Variants in SEC23A observed in about 807,000 individuals in gnomAD.
SEC23A encodes the protein SEC23 homolog A, COPII component.
A neutral mutation model predicts 103.7 loss-of-function variants in SEC23A; 56 were observed. The ratio of observed to expected loss-of-function variants is 0.54; its 90% CI spans 0.44 to 0.67. The LOEUF is 0.67. Ranked by LOEUF, SEC23A falls within the 30% of genes least tolerant of loss-of-function variation. The probability of loss-of-function intolerance (pLI) is 0.00; values close to 1 mark genes in which losing one functional copy is unlikely to be tolerated. For synonymous variants in SEC23A, 281 were observed against 293.0 expected (o/e 0.96, Z 0.42); for missense variants, 784 against 936.4 (o/e 0.84, Z 2.12).
intron 9 of SEC23A, among the ~76,000 whole-genome samples, chr14:39,070,801 T>C (rs1198906999): frequency 1.3e-5 from 2 of 152,078 alleles, no homozygotes; most frequent in Non-Finnish European, 2.9e-5. Flanking sequence ...CCATGGCAGG[T>C]GGATCACCTG....
rs1723970272 is a variant in SEC23A, at chr14:39,061,790, T to C, written c.1480A>G (p.Ile494Val). 1.2e-6 allele frequency: 2 copies of C among 1,613,168 alleles called. No individual in the cohort carries two copies. The highest frequency in any genetic ancestry group is 1.7e-6 in the Non-Finnish European group (2 of 1,179,104). Residue 494 changes from isoleucine (I) to valine (V), a missense_variant, in exon 13 of 20, where the codon ATC (isoleucine) becomes GTC (valine). This residue lies in a region of SEC23A where 683 missense variants were observed against 774.2 expected (regional missense o/e 0.88). Coordinates refer to ENST00000307712, the MANE Select transcript of SEC23A (RefSeq NM_006364.4). ...TTCCTAGCAATGGTGGTCACTCGGA[T>C]GCGTCTCTGCCCACTTGAATGCTGA... Reference protein sequence around the residue: ...QYQHSSGQRRIRVTTIARNWA... With the variant: ...QYQHSSGQRRVRVTTIARNWA...
intron 9 of SEC23A, among the ~76,000 whole-genome samples, chr14:39,068,666 G>A (rs930067066): frequency 6.6e-6 from 1 of 151,786 alleles, no homozygotes; most frequent in African/African-American, 2.4e-5. Flanking sequence ...CACAAAGAGA[G>A]GAAAGATGTA....
intron 6 of SEC23A, among the ~76,000 whole-genome samples, chr14:39,086,521 C>A (rs1887450473): frequency 6.6e-6 from 1 of 152,052 alleles, no homozygotes; most frequent in South Asian, 2.1e-4. Flanking sequence ...ACTTGGGAGG[C>A]TGAGGCAGGA....
chr14:39,071,441 T>C (rs1886836705), intron 9 of SEC23A, among the ~76,000 whole-genome samples: 2 of 152,034 alleles, frequency 1.3e-5, no homozygotes, highest in South Asian at 2.1e-4. Context: ...TCCAGATACC[T>C]GGAAGGCTGA....
intron 7 of SEC23A, among the ~76,000 whole-genome samples, chr14:39,080,127 A>G (rs942323866): frequency 6.6e-6 from 1 of 152,084 alleles, no homozygotes; most frequent in South Asian, 2.1e-4. Flanking sequence ...ATTTCCTACA[A>G]CTGGAGGGAA....
Position 39,095,147 on chromosome 14 carries a change from T to C in SEC23A, c.221+751A>G, listed in dbSNP as rs372779245. 361 of 588,708 alleles carry C rather than the reference T, an allele frequency of 6.1e-4. 1 individual carries two copies. The East Asian group carries it at 9.2e-3, about 15-fold the overall frequency. 36.5% of individuals were successfully genotyped at this position (588,708 alleles called of 1,614,324 possible). ...ATAAGAGGCTGTAAGAGACAGAATC[T>C]ATAATGTTCTAGAGGTAGATCACCC... On this transcript the variant is annotated intron_variant, in intron 2 of 19. Coordinates refer to ENST00000307712, the MANE Select transcript of SEC23A (RefSeq NM_006364.4).
intron 15 of SEC23A, chr14:39,047,511 A>AAC: frequency 5.0e-5 from 16 of 321,266 alleles, no homozygotes; most frequent in Non-Finnish European, 6.1e-5. Flanking sequence ...CAACAACAAC[A>AAC]AAAAAAAAAA....
chr14:39,093,693 CAA>C (rs920807780), intron 2 of SEC23A, among the ~76,000 whole-genome samples: 4 of 152,010 alleles, frequency 2.6e-5, no homozygotes, highest in Admixed American at 1.3e-4. Context: ...CCCAGGTGGT[CAA>C]AGATACAGTG....
At chr14:39,053,189 G>A (rs550094727) in intron 14 of SEC23A, among the ~76,000 whole-genome samples, 1 of 152,236 alleles carries the variant, frequency 6.6e-6, no homozygotes, top group East Asian at 1.9e-4. Flanking sequence ...TTTAAAAACA[G>A]TACAATAAGT....
intron 9 of SEC23A, 98 bp from the exon 10 acceptor site, chr14:39,067,394 A>G: frequency 7.5e-7 from 1 of 1,331,634 alleles, no homozygotes; most frequent in Non-Finnish European, 1.1e-6. Flanking sequence ...CTACCAATAA[A>G]TTTTAAAGAT....
At chr14:39,056,917 A>G (rs914727670) in intron 13 of SEC23A, among the ~76,000 whole-genome samples, 7 of 152,158 alleles carry the variant, frequency 4.6e-5, no homozygotes, top group African/African-American at 1.7e-4. Context: ...TTACTAGTCC[A>G]GTCAGCATGG....
chr14:39,065,651 C>T, intron 10 of SEC23A, among the ~76,000 whole-genome samples: 1 of 152,120 alleles, frequency 6.6e-6, no homozygotes, highest in East Asian at 1.9e-4. Context: ...CACCTCTATG[C>T]CTCTCCTCAC....
chr14:39,098,593 G>A (rs1887974206), intron 1 of SEC23A, among the ~76,000 whole-genome samples: 1 of 152,000 alleles, frequency 6.6e-6, no homozygotes, highest in African/African-American at 2.4e-5. Context: ...TGGCCAACAT[G>A]GTGAAACCCC....
At chr14:39,062,904 A>G (rs189635689) in intron 12 of SEC23A, among the ~76,000 whole-genome samples, 47 of 152,260 alleles carry the variant, frequency 3.1e-4, no homozygotes, top group Admixed American at 7.2e-4. Context: ...AACTTTTTCT[A>G]TGGATTTTGA....
At chr14:39,088,293 C>T (rs1456298509) in intron 5 of SEC23A, 1 of 152,108 alleles carries the variant, frequency 6.6e-6, no homozygotes, top group African/African-American at 2.4e-5. Flanking sequence ...CATTCACTTG[C>T]CTATTGAAAA....
intron 18 of SEC23A, chr14:39,040,501 G>C: frequency 3.5e-6 from 2 of 572,840 alleles, no homozygotes; most frequent in South Asian, 4.0e-5. Flanking sequence ...CAGGAAGCTA[G>C]GCTAGAGACA....
chr14:39,048,428 A>G (rs1434072610), intron 15 of SEC23A, among the ~76,000 whole-genome samples: 1 of 151,570 alleles, frequency 6.6e-6, no homozygotes, highest in East Asian at 1.9e-4. Flanking sequence ...AGCCTGGGCA[A>G]CATAGCAGGA....
chr14:39,072,080 A>G (rs1459741452), intron 9 of SEC23A, among the ~76,000 whole-genome samples: 4 of 152,092 alleles, frequency 2.6e-5, no homozygotes, highest in Admixed American at 2.6e-4. Context: ...CTAAAAATAC[A>G]AAATAGTCGG....
intron 7 of SEC23A, among the ~76,000 whole-genome samples, chr14:39,076,913 C>T (rs546694115): frequency 1.4e-5 from 2 of 142,176 alleles, no homozygotes; most frequent in South Asian, 2.2e-4. Flanking sequence ...GGCAACAAGG[C>T]GAGACTCCGT....
Sources: gnomAD v4.1 joint callset for allele counts (sites outside exome capture counted in the v4.1 genomes callset) on GRCh38, gnomAD v4.1.1 for gene constraint, gnomAD v4.1.1 regional missense constraint, MANE v1.5 for transcripts, NCBI Gene and HGNC (gene_info 2026-07-23, HGNC 2026-07-21) for gene names.